The following GRB2 variants were observed in gnomAD, a reference collection of about 807,000 sequenced individuals.
GRB2 encodes the protein growth factor receptor bound protein 2.
In GRB2, 2 loss-of-function variants were observed where a neutral mutation model predicts 27.4. The observed-to-expected ratio is 0.07, with a 90% confidence interval of 0.03 to 0.23. GRB2 has a LOEUF of 0.23. Among genes scored for constraint, GRB2 ranks in the 10% least tolerant of loss-of-function variants. The pLI, the probability that GRB2 is intolerant of heterozygous loss-of-function variation, is 1.00. For synonymous variants in GRB2, 94 were observed against 99.6 expected (o/e 0.94, Z 0.33); for missense variants, 102 against 282.4 (o/e 0.36, Z 4.58).
intron 2 of GRB2, among the ~76,000 whole-genome samples, chr17:75,391,832 C>A (rs1033107405): frequency 6.9e-6 from 1 of 144,962 alleles, no homozygotes; most frequent in Admixed American, 6.9e-5. Flanking sequence ...AAAAAAAATT[C>A]TTAAAAAGAG....
At chr17:75,337,423 G>A (rs1230307278) in intron 2 of GRB2, among the ~76,000 whole-genome samples, 2 of 151,770 alleles carry the variant, frequency 1.3e-5, no homozygotes, top group East Asian at 3.9e-4. Flanking sequence ...AAACAGCAAA[G>A]AACACAAATG....
intron 1 of GRB2, among the ~76,000 whole-genome samples, chr17:75,395,451 A>G (rs567887403): frequency 6.6e-6 from 1 of 152,186 alleles, no homozygotes; most frequent in Admixed American, 6.5e-5. Context: ...CTTCACTTAC[A>G]CTCTCTGTAG....
At chr17:75,375,385 A>AG (rs891036418) in intron 2 of GRB2, among the ~76,000 whole-genome samples, 42 of 75,030 alleles carry the variant, frequency 5.6e-4, no homozygotes, top group Non-Finnish European at 7.2e-4. Context: ...CACAATCTTC[A>AG]GGAAAAAAAA....
chr17:75,330,658 A>G (rs2078534189), intron 3 of GRB2, among the ~76,000 whole-genome samples: 1 of 151,986 alleles, frequency 6.6e-6, no homozygotes, highest in South Asian at 2.1e-4. Flanking sequence ...TGGGCAACAG[A>G]GCAGGATTCC....
chr17:75,346,901 G>C (rs1244180265), intron 2 of GRB2, among the ~76,000 whole-genome samples: 5 of 152,174 alleles, frequency 3.3e-5, no homozygotes, highest in Admixed American at 3.3e-4. Flanking sequence ...CACATCAACA[G>C]GCTCCCTCAC....
chr17:75,376,615 G>A (rs917232117), intron 2 of GRB2, among the ~76,000 whole-genome samples: 7 of 151,814 alleles, frequency 4.6e-5, no homozygotes, highest in African/African-American at 1.2e-4. Context: ...TGTAACCAAC[G>A]ATTATAACTT....
intron 2 of GRB2, among the ~76,000 whole-genome samples, chr17:75,385,827 GT>G: frequency 6.6e-6 from 1 of 152,308 alleles, no homozygotes; most frequent in South Asian, 2.1e-4. Flanking sequence ...CTGTGCAAGT[GT>G]AGGCATTATT....
chr17:75,354,756 T>G (rs971465150), intron 2 of GRB2, among the ~76,000 whole-genome samples: 6 of 152,078 alleles, frequency 3.9e-5, no homozygotes, highest in Admixed American at 3.9e-4. Flanking sequence ...ACAGTGAAAA[T>G]AGAAGAAAAG....
intron 1 of GRB2, among the ~76,000 whole-genome samples, chr17:75,403,816 T>C (rs1040758870): frequency 3.3e-5 from 5 of 151,772 alleles, no homozygotes; most frequent in Non-Finnish European, 4.4e-5. Flanking sequence ...GAAAGCTGAT[T>C]ATAAGAATTA....
intron 2 of GRB2, among the ~76,000 whole-genome samples, chr17:75,375,651 G>T (rs2078887603): frequency 2.0e-5 from 3 of 152,136 alleles, no homozygotes; most frequent in Admixed American, 6.6e-5. Flanking sequence ...GGAGGCCGAG[G>T]CAGGCAGATT....
rs1467353367 is a variant in GRB2, at chr17:75,400,702, C to T, written c.-138+4787G>A. Among the ~76,000 whole-genome samples, 5 of 150,344 alleles carry T rather than the reference C, an allele frequency of 3.3e-5. No homozygotes were observed. In the South Asian group the frequency reaches 8.4e-4, roughly 25 times the overall value. On this transcript the variant is annotated intron_variant, in intron 1 of 5. Transcript: ENST00000316804. ...TAATGTTTGTATTTTCAAATAAAGA[C>T]GAGGTTTCACCATGTTGGCCAGGCT...
At chr17:75,348,113 T>C (rs953933313) in intron 2 of GRB2, among the ~76,000 whole-genome samples, 1 of 152,184 alleles carries the variant, frequency 6.6e-6, no homozygotes, top group African/African-American at 2.4e-5. Context: ...CAATCACAGC[T>C]CAATGCAGCC....
At chr17:75,329,088 C>G (rs1567857403) in intron 3 of GRB2, among the ~76,000 whole-genome samples, 2 of 152,060 alleles carry the variant, frequency 1.3e-5, no homozygotes, top group Non-Finnish European at 2.9e-5. Context: ...CAGCATGCAT[C>G]TGACTGGGTA....
At chr17:75,404,415 G>A (rs2079084851) in intron 1 of GRB2, among the ~76,000 whole-genome samples, 1 of 151,914 alleles carries the variant, frequency 6.6e-6, no homozygotes, top group Non-Finnish European at 1.5e-5. Flanking sequence ...AGGAAAGAGA[G>A]TCTCTTCCCG....
chr17:75,399,370 T>TC, intron 1 of GRB2, among the ~76,000 whole-genome samples: 1 of 141,600 alleles, frequency 7.1e-6, no homozygotes, highest in African/African-American at 2.7e-5. Flanking sequence ...ATCTTTTCTT[T>TC]TTTTTTTTTT....
chr17:75,381,740 A>G (rs960450613), intron 2 of GRB2, among the ~76,000 whole-genome samples: 4 of 151,120 alleles, frequency 2.6e-5, no homozygotes, highest in East Asian at 3.9e-4. Context: ...AAAAAGAAAA[A>G]AAAAAAGAAA....
At position 75,337,069 on chromosome 17, in the gene GRB2, C is replaced by T. The variant is rs141076904; in HGVS notation, c.79-4272G>A. On this transcript the variant is annotated intron_variant, in intron 2 of 5. Transcript: ENST00000316804. ...TAACATTTGAGTACATGAATGGTTA[C>T]GATTTTGGTTATCTGGAAAATTCTA... is the stretch of plus-strand genomic sequence containing the variant. 2.1e-4 allele frequency among the ~76,000 whole-genome samples: 32 copies of T among 152,260 alleles called. No individual in the cohort carries two copies. In the East Asian group the frequency reaches 4.4e-3, roughly 21 times the overall value.
intron 2 of GRB2, among the ~76,000 whole-genome samples, chr17:75,341,170 G>A (rs75179050): frequency 1.4e-4 from 22 of 152,230 alleles, no homozygotes; most frequent in Admixed American, 3.9e-4. Context: ...AGTGCCTCAC[G>A]CCTGTAATCC....
chr17:75,351,088 A>C (rs746955858), intron 2 of GRB2, among the ~76,000 whole-genome samples: 15 of 152,154 alleles, frequency 9.9e-5, no homozygotes, highest in Non-Finnish European at 1.9e-4. Context: ...CAGCAGGAAG[A>C]TCAGGTGGAG....
Sources: gnomAD v4.1 joint callset for allele counts (sites outside exome capture counted in the v4.1 genomes callset) on GRCh38, gnomAD v4.1.1 for gene constraint, MANE v1.5 for transcripts, NCBI Gene and HGNC (gene_info 2026-07-23, HGNC 2026-07-21) for gene names.